Variants in NR6A1 observed in about 807,000 individuals in gnomAD.
The protein encoded by NR6A1 is retinoic acid receptor-related testis-associated receptor.
NR6A1 carries 7 observed loss-of-function variants against 59.1 expected under a neutral mutation model. That is an observed-to-expected ratio of 0.12 (90% CI 0.07 to 0.22). The LOEUF (loss-of-function observed/expected upper bound fraction) is 0.22, where lower values mean the gene tolerates loss of function less well. Ranked by LOEUF, NR6A1 falls within the 10% of genes least tolerant of loss-of-function variation. The pLI is 1.00. For synonymous variants in NR6A1, 243 were observed against 236.1 expected, an observed-to-expected ratio of 1.03 and a Z score of -0.27; for missense variants, 468 against 611.6, an observed-to-expected ratio of 0.77 and a Z score of 2.48.
intron 1 of NR6A1, among the ~76,000 whole-genome samples, chr9:124,736,482 G>A (rs1840023122): frequency 6.6e-6 from 1 of 152,160 alleles, no homozygotes; most frequent in South Asian, 2.1e-4. Context: ...CATGATCCAA[G>A]GAGAATTGAC....
chr9:124,742,614 C>T (rs1437447179), intron 1 of NR6A1, among the ~76,000 whole-genome samples: 5 of 151,956 alleles, frequency 3.3e-5, no homozygotes, highest in African/African-American at 4.8e-5. Flanking sequence ...CTGTGGCTCA[C>T]GCCTGTAATC....
chr9:124,654,718 C>G (rs1374010569), intron 2 of NR6A1, among the ~76,000 whole-genome samples: 1 of 152,142 alleles, frequency 6.6e-6, no homozygotes, highest in Non-Finnish European at 1.5e-5. Context: ...ACCACACTAC[C>G]CTATTTTCTT....
chr9:124,765,959 G>C (rs1840923395), intron 1 of NR6A1, among the ~76,000 whole-genome samples: 1 of 152,044 alleles, frequency 6.6e-6, no homozygotes, highest in Non-Finnish European at 1.5e-5. Context: ...TACTTACTAA[G>C]GGTGTTACAG....
intron 2 of NR6A1, among the ~76,000 whole-genome samples, chr9:124,673,419 C>G (rs913241946): frequency 6.6e-6 from 1 of 151,996 alleles, no homozygotes; most frequent in Admixed American, 6.6e-5. Context: ...ACCGCCATAT[C>G]TCAGGTGGTA....
intron 7 of NR6A1, among the ~76,000 whole-genome samples, chr9:124,535,282 G>A (rs1034707144): frequency 6.6e-6 from 1 of 151,796 alleles, no homozygotes; most frequent in Non-Finnish European, 1.5e-5. Context: ...AGTAATCCAA[G>A]TATAATAAAG....
chr9:124,658,707 G>A (rs1837333574), intron 2 of NR6A1: 1 of 152,034 alleles, frequency 6.6e-6, no homozygotes, highest in Non-Finnish European at 1.5e-5. Context: ...AAAGTCTTAC[G>A]TAACAGTTCA....
chr9:124,703,417 A>T (rs1730551526), intron 2 of NR6A1, among the ~76,000 whole-genome samples: 1 of 150,510 alleles, frequency 6.6e-6, no homozygotes, highest in African/African-American at 2.5e-5. Context: ...TATGTTACCC[A>T]GGCTGGTCTT....
intron 2 of NR6A1, among the ~76,000 whole-genome samples, chr9:124,612,752 A>G (rs1835786165): frequency 6.6e-6 from 1 of 151,248 alleles, no homozygotes; most frequent in Non-Finnish European, 1.5e-5. Flanking sequence ...ATATCCTATC[A>G]ATGTCAATGC....
At chr9:124,619,820 G>C (rs1836009572) in intron 2 of NR6A1, among the ~76,000 whole-genome samples, 1 of 152,132 alleles carries the variant, frequency 6.6e-6, no homozygotes, top group African/African-American at 2.4e-5. Flanking sequence ...CCAGCACTTT[G>C]GGAGGCCGAG....
chr9:124,630,666 A>ATTTTT (rs1836406674), intron 2 of NR6A1, among the ~76,000 whole-genome samples: 1 of 81,818 alleles, frequency 1.2e-5, no homozygotes, highest in African/African-American at 5.9e-5. Flanking sequence ...AAGTTACTAC[A>ATTTTT]TTTCTTTTTT....
chr9:124,657,812 G>A (rs1462116874), intron 2 of NR6A1, among the ~76,000 whole-genome samples: 4 of 151,894 alleles, frequency 2.6e-5, no homozygotes, highest in Non-Finnish European at 5.9e-5. Flanking sequence ...GGGATAAAAA[G>A]ACATAAAGCT....
At chr9:124,611,220 T>A (rs1374411090) in intron 2 of NR6A1, among the ~76,000 whole-genome samples, 4 of 151,986 alleles carry the variant, frequency 2.6e-5, no homozygotes, top group Non-Finnish European at 1.5e-5. Context: ...TGAGAATGTA[T>A]GTAAAATACT....
intron 2 of NR6A1, among the ~76,000 whole-genome samples, chr9:124,680,108 G>A (rs1024101492): frequency 6.6e-6 from 1 of 151,968 alleles, no homozygotes; most frequent in Non-Finnish European, 1.5e-5. Context: ...GTGTGTGTGT[G>A]TGTGTGTGTG....
chr9:124,576,614 A>G lies in NR6A1; in HGVS notation c.143-22044T>C, dbSNP rs1588680160. 2.6e-5 allele frequency among the ~76,000 whole-genome samples: 4 copies of G among 152,252 alleles called. No homozygotes were observed. In the East Asian group the frequency reaches 5.8e-4, roughly 22 times the overall value. On this transcript the variant is annotated intron_variant, in intron 2 of 9. Coordinates refer to ENST00000487099, the MANE Select transcript of NR6A1 (RefSeq NM_033334.4). ...GCAACACAAGCTTTGTATCCCAGTT[A>G]GTCATTATTTTAGCTGTGTGACTTA... is the stretch of plus-strand genomic sequence containing the variant.
intron 2 of NR6A1, among the ~76,000 whole-genome samples, chr9:124,645,234 G>C (rs988298407): frequency 6.6e-6 from 1 of 152,100 alleles, no homozygotes; most frequent in Non-Finnish European, 1.5e-5. Flanking sequence ...ATGTGTAGAA[G>C]AGAAAAAGAG....
intron 1 of NR6A1, among the ~76,000 whole-genome samples, chr9:124,733,689 T>A (rs1236188595): frequency 6.6e-6 from 1 of 152,164 alleles, no homozygotes; most frequent in Non-Finnish European, 1.5e-5. Flanking sequence ...GGAATAAAAA[T>A]TCACAGGAAA....
chr9:124,554,260 A>C, intron 3 of NR6A1, 68 bp downstream of exon 3: 1 of 1,607,602 alleles, frequency 6.2e-7, no homozygotes, highest in Non-Finnish European at 8.5e-7. Context: ...ATAAGTAACT[A>C]AACAGCTGAC....
intron 2 of NR6A1, among the ~76,000 whole-genome samples, chr9:124,560,212 T>C (rs770794294): frequency 1.3e-5 from 2 of 152,216 alleles, no homozygotes; most frequent in Non-Finnish European, 2.9e-5. Flanking sequence ...ACCTGAAGTA[T>C]TTGCCACACA....
rs4452913 is a variant in NR6A1, at chr9:124,586,602, T to G, written c.143-32032A>C. Among the ~76,000 whole-genome samples the G allele has an allele frequency of 2.6e-5, 4 of 151,906 alleles. No individual in the cohort carries two copies. In the East Asian group the frequency reaches 5.8e-4, roughly 22 times the overall value. ...CTGGGACTACAGGCATGCGCCACCA[T>G]GCCCAGCTAATTTTTTTTAAAATTT... On this transcript the variant is annotated intron_variant, in intron 2 of 9. Coordinates refer to ENST00000487099, the MANE Select transcript of NR6A1 (RefSeq NM_033334.4).
Sources: allele counts gnomAD v4.1 joint callset (sites outside exome capture counted in the v4.1 genomes callset), GRCh38; gene constraint gnomAD v4.1.1; transcripts MANE v1.5; gene names NCBI Gene and HGNC (gene_info 2026-07-23, HGNC 2026-07-21).